Variants in TRIQK observed in about 807,000 individuals in gnomAD.
TRIQK encodes the protein triple QxxK/R motif-containing protein.
Under a neutral mutation model 10.8 loss-of-function variants are expected in TRIQK, and 10 were observed. The observed-to-expected ratio is 0.92, with a 90% confidence interval of 0.57 to 1.57. The LOEUF (loss-of-function observed/expected upper bound fraction) is 1.57, where lower values mean the gene tolerates loss of function less well. Among genes scored for constraint, TRIQK ranks in the 40% most tolerant of loss-of-function variants. The pLI is 0.00. For synonymous variants in TRIQK, 33 were observed against 33.7 expected (o/e 0.98, Z 0.07); for missense variants, 107 against 97.7 (o/e 1.09, Z -0.40).
rs1025728936 is a variant in TRIQK, at chr8:92,885,372, T to C, written c.*1250A>G. ...ATCTTAATATTTTATTTATTCTTCA[T>C]AAATACAATGTATATAATATAAAAC... On this transcript the variant is annotated 3_prime_UTR_variant, in exon 5 of 5. Coordinates refer to ENST00000521988, the MANE Select transcript of TRIQK (RefSeq NM_001171797.2). 1.5e-5 allele frequency: 3 copies of C among 196,188 alleles called. No individual in the cohort carries two copies. The highest frequency in any genetic ancestry group is 7.0e-5 in the African/African-American group (3 of 42,688). 12.2% of individuals were successfully genotyped at this position (196,188 alleles called of 1,614,324 possible). A position where few individuals can be genotyped will look rare whatever the true frequency, so the allele number is the denominator to read the frequency against.
chr8:93,012,918 G>A (rs1218780003), intron 1 of TRIQK, among the ~76,000 whole-genome samples: 1 of 152,138 alleles, frequency 6.6e-6, no homozygotes, highest in East Asian at 1.9e-4. Flanking sequence ...CAAGGGCTGG[G>A]GCTCAGTGGT....
At chr8:92,899,195 G>A (rs1051178996) in intron 3 of TRIQK, among the ~76,000 whole-genome samples, 2 of 151,742 alleles carry the variant, frequency 1.3e-5, no homozygotes, top group Non-Finnish European at 2.9e-5. Context: ...TGTTAGCCAG[G>A]ATGGTCTCAA....
At chr8:92,999,499 CACATTTTGT>C (rs1174920489) in intron 1 of TRIQK, among the ~76,000 whole-genome samples, 1 of 152,068 alleles carries the variant, frequency 6.6e-6, no homozygotes, top group Non-Finnish European at 1.5e-5. Context: ...TAAACCAGAT[CACATTTTGT>C]TAGAAATGGT....
intron 2 of TRIQK, among the ~76,000 whole-genome samples, chr8:92,931,016 C>T (rs185474938): frequency 6.6e-6 from 1 of 152,120 alleles, no homozygotes; most frequent in African/African-American, 2.4e-5. Flanking sequence ...TATGAATGGC[C>T]TTTTCTTGGC....
chr8:92,960,757 C>A (rs1298831271), intron 1 of TRIQK: 1 of 152,272 alleles, frequency 6.6e-6, no homozygotes, highest in Non-Finnish European at 1.5e-5. Flanking sequence ...TCTCCTAGAG[C>A]CTCCAGAAAG....
At chr8:92,932,787 T>C (rs999050182) in intron 2 of TRIQK, among the ~76,000 whole-genome samples, 1 of 152,208 alleles carries the variant, frequency 6.6e-6, no homozygotes, top group Admixed American at 6.6e-5. Context: ...TAGATATTTT[T>C]ATTCAATTAG....
chr8:92,966,639 G>A (rs561654140), upstream of TRIQK, among the ~76,000 whole-genome samples: 1 of 152,242 alleles, frequency 6.6e-6, no homozygotes, highest in South Asian at 2.1e-4. Flanking sequence ...TACAAAATGG[G>A]AATGAAATAT....
chr8:93,002,170 G>A (rs1281403697), intron 1 of TRIQK, among the ~76,000 whole-genome samples: 1 of 151,760 alleles, frequency 6.6e-6, no homozygotes, highest in Non-Finnish European at 1.5e-5. Context: ...GTATAAAAAA[G>A]AAACATCTTA....
chr8:92,998,274 T>C (rs1309022268), intron 1 of TRIQK, among the ~76,000 whole-genome samples: 1 of 152,026 alleles, frequency 6.6e-6, no homozygotes, highest in Non-Finnish European at 1.5e-5. Flanking sequence ...TTTAACTCTC[T>C]TTTGTATTCA....
intron 2 of TRIQK, among the ~76,000 whole-genome samples, chr8:92,949,937 G>T (rs1381330351): frequency 6.6e-6 from 1 of 151,874 alleles, no homozygotes; most frequent in Non-Finnish European, 1.5e-5. Flanking sequence ...TCTCACATTC[G>T]TTTTTGAGCT....
intron 2 of TRIQK, among the ~76,000 whole-genome samples, chr8:92,945,657 T>C (rs960084524): frequency 6.6e-6 from 1 of 152,232 alleles, no homozygotes; most frequent in Non-Finnish European, 1.5e-5. Flanking sequence ...TTCCTCCTTA[T>C]GTACCATATA....
At chr8:92,990,376 T>C (rs1020205584) in intron 1 of TRIQK, among the ~76,000 whole-genome samples, 26 of 152,222 alleles carry the variant, frequency 1.7e-4, no homozygotes, top group Non-Finnish European at 1.5e-5. Flanking sequence ...TTTTTGTGCT[T>C]TCTTTGTATT....
chr8:92,981,161 G>A (rs999851356), intron 1 of TRIQK, among the ~76,000 whole-genome samples: 1 of 151,728 alleles, frequency 6.6e-6, no homozygotes, highest in South Asian at 2.1e-4. Flanking sequence ...GGAACTTAAA[G>A]CAGAGCTATT....
At chr8:93,015,342 G>A (rs562480076) in intron 1 of TRIQK, among the ~76,000 whole-genome samples, 20 of 151,796 alleles carry the variant, frequency 1.3e-4, no homozygotes, top group African/African-American at 4.3e-4. Context: ...CAAATTTAGT[G>A]GTGGTTATTC....
chr8:92,885,674 C>A lies in TRIQK; in HGVS notation c.*948G>T, dbSNP rs879126593. ...TTTTCTTCTATTATTTATTTTCTCC[C>A]TAAAGAGTTCTAATTGATTAAATCT... On this transcript the variant is annotated 3_prime_UTR_variant, in exon 5 of 5. Transcript: ENST00000521988. 6.6e-6 allele frequency: 1 copy of A among 151,514 alleles called. No individual in the cohort carries two copies. Among genetic ancestry groups the A allele is most frequent in the African/African-American group, 2.4e-5 (1 of 41,296 alleles). The allele number at this position is 151,514 out of a possible 1,614,324, so 9.4% of individuals were successfully genotyped here.
chr8:93,012,900 A>C (rs771686249), intron 1 of TRIQK, among the ~76,000 whole-genome samples: 1 of 152,224 alleles, frequency 6.6e-6, no homozygotes, highest in Non-Finnish European at 1.5e-5. Context: ...GTATTGAATC[A>C]GAAACAACAA....
intron 1 of TRIQK, among the ~76,000 whole-genome samples, chr8:92,978,043 A>G (rs1812950864): frequency 6.6e-6 from 1 of 152,110 alleles, no homozygotes; most frequent in Non-Finnish European, 1.5e-5. Flanking sequence ...TCAAATGCAG[A>G]TTATTTCCTC....
chr8:92,943,820 A>G (rs1450624119), intron 2 of TRIQK, among the ~76,000 whole-genome samples: 1 of 152,194 alleles, frequency 6.6e-6, no homozygotes, highest in African/African-American at 2.4e-5. Context: ...CACAGGCAAC[A>G]AAAGCAAAAA....
intron 1 of TRIQK, among the ~76,000 whole-genome samples, chr8:92,985,909 C>T (rs922927032): frequency 6.6e-6 from 1 of 152,108 alleles, no homozygotes; most frequent in Non-Finnish European, 1.5e-5. Context: ...AGTTCATAAA[C>T]ACTGATGTAT....
Sources: gnomAD v4.1 joint callset for allele counts (sites outside exome capture counted in the v4.1 genomes callset) on GRCh38, gnomAD v4.1.1 for gene constraint, MANE v1.5 for transcripts, NCBI Gene and HGNC (gene_info 2026-07-23, HGNC 2026-07-21) for gene names.